LEPR: variants seen among roughly 807,000 people sequenced by gnomAD.
LEPR encodes OB receptor.
LEPR carries 56 observed loss-of-function variants against 114.7 expected under a neutral mutation model. The ratio of observed to expected loss-of-function variants is 0.49; its 90% CI spans 0.39 to 0.61. The LOEUF (loss-of-function observed/expected upper bound fraction) is 0.61, where lower values mean the gene tolerates loss of function less well. Among genes scored for constraint, LEPR ranks in the 20% least tolerant of loss-of-function variants. The probability of loss-of-function intolerance (pLI) is 0.00; values close to 1 mark genes in which losing one functional copy is unlikely to be tolerated. For missense variants in LEPR, 1,202 were observed against 1,352.9 expected (o/e 0.89, Z 1.75); for synonymous variants, 443 against 461.4 (o/e 0.96, Z 0.51).
At chr1:65,488,323 T>TTTC (rs1205550374) in intron 2 of LEPR, among the ~76,000 whole-genome samples, 10 of 139,004 alleles carry the variant, frequency 7.2e-5, no homozygotes, top group South Asian at 4.6e-4. Flanking sequence ...TCTTTTTTTC[T>TTTC]TTCTTCTTCT....
chr1:65,610,283 C>T lies in LEPR; in HGVS notation c.1982C>T (p.Thr661Ile). Reference protein sequence around the residue: ...GDTMKKEKNVTLLWKPLMKND... With the variant: ...GDTMKKEKNVILLWKPLMKND... ...ACTATGAAAAAGGAGAAAAATGTCA[C>T]TTTACTTTGGAAGGTATTCCCAATT... The change falls in exon 14 of 20, where the codon ACT (threonine) becomes ATT (isoleucine). Residue 661 changes from threonine (T) to isoleucine (I), a missense_variant. By Grantham distance (89) the Thr-to-Ile change is moderately conservative. Transcript: ENST00000349533. 2 of 1,612,440 alleles carry T rather than the reference C, an allele frequency of 1.2e-6. No homozygotes were observed. The highest frequency in any genetic ancestry group is 1.7e-6 in the Non-Finnish European group (2 of 1,178,908).
chr1:65,482,123 T>TAC (rs141690381), intron 2 of LEPR, among the ~76,000 whole-genome samples: 2,992 of 149,558 alleles, frequency 0.02, 91 homozygotes, highest in African/African-American at 0.066. Flanking sequence ...ATTTTACACA[T>TAC]ACACACACAC....
At chr1:65,530,644 G>A (rs1368235972) in intron 2 of LEPR, among the ~76,000 whole-genome samples, 4 of 152,110 alleles carry the variant, frequency 2.6e-5, no homozygotes, top group South Asian at 2.1e-4. Context: ...ACAACCAGAC[G>A]TCACTCTCGT....
intron 2 of LEPR, chr1:65,432,738 A>C (rs541510717): frequency 3.1e-5 from 20 of 651,956 alleles, no homozygotes; most frequent in Non-Finnish European, 3.6e-5. Context: ...TTTTTTAAAG[A>C]TCACTTGCAC....
chr1:65,476,969 A>G (rs978797403), intron 2 of LEPR, among the ~76,000 whole-genome samples: 2 of 152,208 alleles, frequency 1.3e-5, no homozygotes, highest in African/African-American at 4.8e-5. Flanking sequence ...CAAAATTTCC[A>G]ACTAATTAAA....
At chr1:65,507,239 C>T (rs868092488) in intron 2 of LEPR, among the ~76,000 whole-genome samples, 88 of 151,830 alleles carry the variant, frequency 5.8e-4, no homozygotes, top group South Asian at 4.1e-4. Context: ...TTAGTAGAGA[C>T]GGGATTTCAC....
chr1:65,596,522 C>T lies in LEPR; in HGVS notation c.778C>T (p.Pro260Ser), dbSNP rs1289206842. ...TAATTTAAAGATTTCTTGGTCCAGC[C>T]CACCATTGGTACCATTTCCACTTCA... ...DGNLKISWSS[P>S]PLVPFPLQYQ... The change falls in exon 7 of 20, where the codon CCA becomes TCA. Residue 260 changes from proline (P) to serine (S), a missense_variant. Coordinates refer to ENST00000349533, the MANE Select transcript of LEPR (RefSeq NM_002303.6). 6.2e-7 allele frequency: 1 copy of T among 1,612,582 alleles called. No homozygotes were observed. Among genetic ancestry groups the T allele is most frequent in the Non-Finnish European group, 8.5e-7 (1 of 1,179,224 alleles).
chr1:65,610,428 T>C, intron 14 of LEPR, 132 bp downstream of exon 14: 1 of 796,834 alleles, frequency 1.3e-6, no homozygotes, highest in Middle Eastern at 3.8e-4. Context: ...TTATGAGATG[T>C]ATTTAAAGAG....
At chr1:65,472,854 A>G (rs890417657) in intron 2 of LEPR, among the ~76,000 whole-genome samples, 4 of 152,216 alleles carry the variant, frequency 2.6e-5, no homozygotes, top group African/African-American at 7.2e-5. Context: ...ATTTTTGTAG[A>G]TGAAGCAAAG....
At chr1:65,519,981 A>G (rs994625337) in intron 2 of LEPR, among the ~76,000 whole-genome samples, 1 of 151,970 alleles carries the variant, frequency 6.6e-6, no homozygotes, top group African/African-American at 2.4e-5. Context: ...CTCCTGCCTC[A>G]GCCTCCCAAG....
At chr1:65,442,245 GT>G (rs1407282460) in intron 2 of LEPR, among the ~76,000 whole-genome samples, 1 of 152,148 alleles carries the variant, frequency 6.6e-6, no homozygotes, top group African/African-American at 2.4e-5. Flanking sequence ...AGGATCCCTG[GT>G]TTCACAACTC....
chr1:65,590,466 C>T (rs1054300316), intron 5 of LEPR, among the ~76,000 whole-genome samples: 3 of 151,192 alleles, frequency 2.0e-5, no homozygotes, highest in African/African-American at 7.3e-5. Flanking sequence ...GGGTGGTTAC[C>T]TCCATGCTGT....
chr1:65,593,171 T>TTACA (rs10665816), intron 6 of LEPR, among the ~76,000 whole-genome samples: 1 of 151,478 alleles, frequency 6.6e-6, no homozygotes. Flanking sequence ...TTGAAAATAG[T>TTACA]AGCATGTTTC....
intron 2 of LEPR, among the ~76,000 whole-genome samples, chr1:65,538,423 C>T (rs1650931131): frequency 6.6e-6 from 1 of 152,064 alleles, no homozygotes; most frequent in Non-Finnish European, 1.5e-5. Context: ...TTGTTTGTAA[C>T]CACGATTTCC....
At chr1:65,592,318 G>A (rs1442119937) in intron 5 of LEPR, among the ~76,000 whole-genome samples, 2 of 138,232 alleles carry the variant, frequency 1.4e-5, no homozygotes, top group African/African-American at 5.3e-5. Flanking sequence ...TGATGGTGAC[G>A]AATTATTTTT....
At chr1:65,551,931 A>C (rs1652407409) in intron 2 of LEPR, among the ~76,000 whole-genome samples, 1 of 152,176 alleles carries the variant, frequency 6.6e-6, no homozygotes, top group African/African-American at 2.4e-5. Context: ...GTTTCAAAGA[A>C]CATCTTTATT....
At chr1:65,435,834 T>C in intron 2 of LEPR, 2 of 983,390 alleles carry the variant, frequency 2.0e-6, no homozygotes, top group Non-Finnish European at 2.4e-6. Flanking sequence ...AATTCTCCTT[T>C]TTCCATTTTG....
At chr1:65,425,200 G>T (rs1442333886) in intron 1 of LEPR, 103 bp from the exon 2 acceptor site, 8 of 915,514 alleles carry the variant, frequency 8.7e-6, no homozygotes, top group Non-Finnish European at 1.4e-5. Context: ...ATCCGCCAAA[G>T]AAACTCTGGA....
At chr1:65,608,152 G>GTTT (rs11417022) in intron 11 of LEPR, among the ~76,000 whole-genome samples, 39 of 139,554 alleles carry the variant, frequency 2.8e-4, no homozygotes, top group Admixed American at 2.0e-3. Context: ...CAGTCCATGG[G>GTTT]TTTTTTTTTT....
Sources: allele counts gnomAD v4.1 joint callset (sites outside exome capture counted in the v4.1 genomes callset), GRCh38; gene constraint gnomAD v4.1.1; transcripts MANE v1.5; gene names NCBI Gene and HGNC (gene_info 2026-07-23, HGNC 2026-07-21).